CFHR5: variants seen among roughly 807,000 people sequenced by gnomAD.
CFHR5 encodes the protein complement factor H related 5, also known as complement factor H-related protein 5.
In CFHR5, 73 loss-of-function variants were observed where a neutral mutation model predicts 62.9. The ratio of observed to expected loss-of-function variants is 1.16; its 90% CI spans 0.96 to 1.41. The LOEUF (loss-of-function observed/expected upper bound fraction) is 1.41. CFHR5 is among the 40% of genes most tolerant of loss of function. The probability of loss-of-function intolerance (pLI) is 0.00; values close to 1 mark genes in which losing one functional copy is unlikely to be tolerated. For synonymous variants in CFHR5, 249 were observed against 227.2 expected (o/e 1.10, Z -0.86); for missense variants, 779 against 679.9 (o/e 1.15, Z -1.62).
intron 9 of CFHR5, among the ~76,000 whole-genome samples, chr1:197,006,810 A>T (rs796308341): frequency 2.6e-5 from 4 of 152,096 alleles, no homozygotes; most frequent in African/African-American, 9.6e-5. Context: ...CATATTTTTA[A>T]TAGCAGTTTT....
At chr1:196,999,828 T>C (rs1654098903) in intron 7 of CFHR5, among the ~76,000 whole-genome samples, 1 of 147,008 alleles carries the variant, frequency 6.8e-6, no homozygotes, top group Non-Finnish European at 1.5e-5. Flanking sequence ...TGTGTGTGTG[T>C]ATATATATAA....
chr1:196,986,793 G>A (rs1380585110), intron 3 of CFHR5, among the ~76,000 whole-genome samples: 2 of 152,024 alleles, frequency 1.3e-5, no homozygotes, highest in Non-Finnish European at 2.9e-5. Context: ...GCTAGTTCCA[G>A]GTCTTTGCTA....
rs1654242080 is a variant in CFHR5, at chr1:197,004,780, C to A, written c.1450C>A (p.Leu484Ile). The A allele has an allele frequency of 1.2e-6, 2 of 1,613,790 alleles. No homozygotes were observed. The highest frequency in any genetic ancestry group is 1.7e-6 in the Non-Finnish European group (2 of 1,179,784). The change falls in exon 9 of 10, where the codon CTC becomes ATC. Residue 484 changes from leucine to isoleucine, a missense_variant. Transcript: ENST00000256785. ...GTACCGTTGCCAGTCCTTCTATAAA[C>A]TCCAGGGCTCTGTAACTGTAACATG... The part of the protein sequence containing the change: ...VTYRCQSFYK[L>I]QGSVTVTCRN...
intron 1 of CFHR5, among the ~76,000 whole-genome samples, chr1:196,980,940 G>T (rs1318630762): frequency 6.6e-6 from 1 of 152,030 alleles, no homozygotes; most frequent in Non-Finnish European, 1.5e-5. Flanking sequence ...TTTAAAAGGA[G>T]TTATGATAGG....
At chr1:196,977,546 G>A, upstream of CFHR5, 1 of 854,156 alleles carries the variant, frequency 1.2e-6, no homozygotes, top group Non-Finnish European at 2.0e-6. Flanking sequence ...TACTAAACTA[G>A]CTTCCCCTTA....
Position 196,984,049 on chromosome 1 carries a change from C to T in CFHR5, c.342C>T (p.Cys114=), listed in dbSNP as rs1339789737. 1.2e-6 allele frequency: 2 copies of T among 1,613,078 alleles called. No homozygotes were observed. Among genetic ancestry groups the T allele is most frequent in the Non-Finnish European group, 8.5e-7 (1 of 1,179,230 alleles). The stretch of plus-strand genomic sequence containing the variant: ...AAGGTGATACTGTACAAATTATTTG[C>T]AACACAGGATACAGCCTTCAAAACA... ...HLEGDTVQII[C]NTGYSLQNNE... is the part of the protein sequence containing the mutation. Residue 114 remains cysteine, a synonymous_variant, in exon 3 of 10, where the codon TGC becomes TGT. Coordinates refer to ENST00000256785, the MANE Select transcript of CFHR5 (RefSeq NM_030787.4).
In CFHR5 at chr1:197,009,384, C is replaced by T. The variant is rs773449247; in HGVS notation, c.*701C>T. The T allele has an allele frequency of 1.3e-5, 2 of 152,156 alleles. No individual in the cohort carries two copies. The highest frequency in any genetic ancestry group is 2.9e-5 in the Non-Finnish European group (2 of 68,028). 9.4% of individuals were successfully genotyped at this position (152,156 alleles called of 1,614,324 possible). A position where few individuals can be genotyped will look rare whatever the true frequency, so the allele number is the denominator to read the frequency against. On this transcript the variant is annotated 3_prime_UTR_variant, in exon 10 of 10. Coordinates refer to ENST00000256785, the MANE Select transcript of CFHR5 (RefSeq NM_030787.4). ...GGGGAATTTTATTCATAAATGTCCA[C>T]AGAAACAGTAAATGTTCTCGCTTCA...
rs1571509656 is a variant in CFHR5 at position 196,979,545 on chromosome 1, A to G, written c.58+1823A>G. Among the ~76,000 whole-genome samples the G allele has an allele frequency of 2.6e-5, 4 of 152,234 alleles. No individual in the cohort carries two copies. The South Asian group carries it at 8.3e-4, about 32-fold the overall frequency. ...ATATAAAAGGTACAATAAAAATACAATATAAAATATTAAGAATGGCAGACT... is the reference window on the plus strand; with the variant it reads ...ATATAAAAGGTACAATAAAAATACAGTATAAAATATTAAGAATGGCAGACT... On this transcript the variant is annotated intron_variant, in intron 1 of 9. Coordinates refer to ENST00000256785, the MANE Select transcript of CFHR5 (RefSeq NM_030787.4).
At chr1:196,982,733 C>T (rs1653573299) in intron 1 of CFHR5, 152 bp from the exon 2 acceptor site, 1 of 684,974 alleles carries the variant, frequency 1.5e-6, no homozygotes, top group Non-Finnish European at 2.5e-6. Flanking sequence ...GATCTTTCTT[C>T]ATTCCAAATT....
intron 4 of CFHR5, among the ~76,000 whole-genome samples, chr1:196,994,648 A>T (rs1046560216): frequency 2.6e-5 from 4 of 152,202 alleles, no homozygotes; most frequent in African/African-American, 7.2e-5. Flanking sequence ...AACAGTGATG[A>T]TTTATACCTG....
At chr1:197,003,921 T>C (rs1654213693) in intron 8 of CFHR5, among the ~76,000 whole-genome samples, 1 of 152,166 alleles carries the variant, frequency 6.6e-6, no homozygotes, top group Admixed American at 6.5e-5. Flanking sequence ...AAGGATCTTT[T>C]ACAAGTTTAA....
intron 8 of CFHR5, among the ~76,000 whole-genome samples, chr1:197,003,247 G>C (rs1165822546): frequency 6.6e-6 from 1 of 152,160 alleles, no homozygotes; most frequent in Non-Finnish European, 1.5e-5. Context: ...CTGACAGGAG[G>C]TAGTAATGCT....
At chr1:196,982,812 A>T in intron 1 of CFHR5, 73 bp from the exon 2 acceptor site, 1 of 1,390,848 alleles carries the variant, frequency 7.2e-7, no homozygotes, top group South Asian at 1.2e-5. Flanking sequence ...AAATGAGATG[A>T]CTAAAATATA....
intron 3 of CFHR5, among the ~76,000 whole-genome samples, chr1:196,993,865 A>C (rs1341575401): frequency 6.6e-6 from 1 of 152,182 alleles, no homozygotes; most frequent in Admixed American, 6.5e-5. Flanking sequence ...ATTCTCATAG[A>C]AAATGTTACC....
In CFHR5 at chr1:196,981,448, T is replaced by G. The variant is rs143563474; in HGVS notation, c.59-1437T>G. Among the ~76,000 whole-genome samples, 85 of 151,954 alleles carry G rather than the reference T, an allele frequency of 5.6e-4. No homozygotes were observed. In the East Asian group the frequency reaches 6.4e-3, roughly 11 times the overall value. ...AAATCTCTGTACCTTCCACTCAATT[T>G]TACAGTAAAAAAACTGTAAATAAAA... On this transcript the variant is annotated intron_variant, in intron 1 of 9. Transcript: ENST00000256785.
chr1:196,987,850 A>G (rs1005625190), intron 3 of CFHR5, among the ~76,000 whole-genome samples: 3 of 152,122 alleles, frequency 2.0e-5, no homozygotes, highest in Non-Finnish European at 2.9e-5. Context: ...TTGGCAATGC[A>G]GCCCCTTTTT....
chr1:196,997,062 T>TA (rs1449538391), intron 6 of CFHR5, among the ~76,000 whole-genome samples: 2 of 152,086 alleles, frequency 1.3e-5, no homozygotes, highest in African/African-American at 4.8e-5. Context: ...TTTTGAACTT[T>TA]AAAGACAAGC....
At chr1:196,978,830 T>G (rs1653463070) in intron 1 of CFHR5, among the ~76,000 whole-genome samples, 2 of 152,034 alleles carry the variant, frequency 1.3e-5, no homozygotes, top group Non-Finnish European at 2.9e-5. Flanking sequence ...TAAAGGGGGG[T>G]GGAAGCAGAG....
chr1:196,999,697 A>G (rs879678886), intron 7 of CFHR5, among the ~76,000 whole-genome samples: 46,309 of 90,926 alleles, frequency 0.51, 9,505 homozygotes, highest in Middle Eastern at 0.61. Flanking sequence ...ATATATATAT[A>G]TATATATATA....
Sources: allele counts gnomAD v4.1 joint callset (sites outside exome capture counted in the v4.1 genomes callset), GRCh38; gene constraint gnomAD v4.1.1; transcripts MANE v1.5; gene names NCBI Gene and HGNC (gene_info 2026-07-23, HGNC 2026-07-21).